TACR3: variants seen among roughly 807,000 people sequenced by gnomAD.
The protein encoded by TACR3 is tachykinin receptor 3.
Under a neutral mutation model 35.0 loss-of-function variants are expected in TACR3, and 34 were observed. The observed-to-expected ratio is 0.97, with a 90% CI of 0.74 to 1.30. The LOEUF is 1.30. TACR3 is among the 50% of genes most tolerant of loss of function. The pLI is 0.00. For missense variants in TACR3, 558 were observed against 591.7 expected, an observed-to-expected ratio of 0.94 and a Z score of 0.59; for synonymous variants, 233 against 221.1, an observed-to-expected ratio of 1.05 and a Z score of -0.48.
intron 1 of TACR3, among the ~76,000 whole-genome samples, chr4:103,684,012 T>A (rs1288370296): frequency 3.9e-5 from 6 of 152,090 alleles, no homozygotes; most frequent in Admixed American, 2.0e-4. Context: ...AGAAAAAAAA[T>A]TTGATGAAGT....
At chr4:103,636,531 T>G (rs55844612) in intron 3 of TACR3, among the ~76,000 whole-genome samples, 55,152 of 151,794 alleles carry the variant, frequency 0.36, 10,633 homozygotes, top group African/African-American at 0.5. Flanking sequence ...ATAATACAAT[T>G]CAGTGGTACT....
At chr4:103,716,652 C>T (rs181789475) in intron 1 of TACR3, among the ~76,000 whole-genome samples, 19 of 151,932 alleles carry the variant, frequency 1.3e-4, no homozygotes, top group African/African-American at 2.2e-4. Flanking sequence ...AGGCTGCAAC[C>T]ATTTTGCTAC....
chr4:103,696,121 A>C (rs1455120825), intron 1 of TACR3, among the ~76,000 whole-genome samples: 3 of 152,138 alleles, frequency 2.0e-5, no homozygotes, highest in African/African-American at 7.2e-5. Flanking sequence ...GAAGTCTGAG[A>C]AAAGAGTATC....
At chr4:103,697,101 G>A (rs1441606000) in intron 1 of TACR3, among the ~76,000 whole-genome samples, 1 of 152,056 alleles carries the variant, frequency 6.6e-6, no homozygotes, top group East Asian at 1.9e-4. Context: ...TTTTAAAAAT[G>A]GCATGTGAGT....
At chr4:103,601,705 A>C (rs1055492783) in intron 3 of TACR3, among the ~76,000 whole-genome samples, 1 of 152,144 alleles carries the variant, frequency 6.6e-6, no homozygotes, top group African/African-American at 2.4e-5. Flanking sequence ...AAAATGTTGA[A>C]TATTGGTCTC....
At chr4:103,626,903 G>A (rs950035436) in intron 3 of TACR3, among the ~76,000 whole-genome samples, 17 of 151,876 alleles carry the variant, frequency 1.1e-4, no homozygotes, top group Admixed American at 3.3e-4. Context: ...GGCCGAGCGC[G>A]GTAGCTCACA....
intron 1 of TACR3, among the ~76,000 whole-genome samples, chr4:103,699,981 T>C (rs758091764): frequency 2.6e-5 from 4 of 152,156 alleles, no homozygotes; most frequent in Non-Finnish European, 4.4e-5. Context: ...TTACGAGCCA[T>C]ATCTACTTTG....
At chr4:103,696,336 T>C (rs1722519827) in intron 1 of TACR3, among the ~76,000 whole-genome samples, 1 of 152,160 alleles carries the variant, frequency 6.6e-6, no homozygotes, top group African/African-American at 2.4e-5. Flanking sequence ...TTACTCTCAG[T>C]TATAAATACA....
At chr4:103,638,284 C>T (rs1422234049) in intron 3 of TACR3, among the ~76,000 whole-genome samples, 2 of 150,896 alleles carry the variant, frequency 1.3e-5, no homozygotes, top group South Asian at 2.1e-4. Flanking sequence ...GAAATAATGC[C>T]ACATATCTAC....
At chr4:103,695,323 C>T (rs1430928285) in intron 1 of TACR3, among the ~76,000 whole-genome samples, 1 of 152,050 alleles carries the variant, frequency 6.6e-6, no homozygotes, top group Non-Finnish European at 1.5e-5. Flanking sequence ...CCACCTCCTC[C>T]ACTTCACCCT....
At chr4:103,700,774 G>A (rs116650768) in intron 1 of TACR3, among the ~76,000 whole-genome samples, 37 of 152,102 alleles carry the variant, frequency 2.4e-4, no homozygotes, top group Middle Eastern at 3.4e-3. Flanking sequence ...ATAATCCAGC[G>A]TATAAACAGA....
At chr4:103,666,578 T>A (rs890120719) in intron 1 of TACR3, among the ~76,000 whole-genome samples, 1 of 152,188 alleles carries the variant, frequency 6.6e-6, no homozygotes, top group African/African-American at 2.4e-5. Flanking sequence ...TATATATAAC[T>A]CATTTAATAC....
chr4:103,642,844 A>G (rs1725384976), intron 3 of TACR3, among the ~76,000 whole-genome samples: 3 of 151,858 alleles, frequency 2.0e-5, no homozygotes, highest in Admixed American at 6.6e-5. Flanking sequence ...TAAAGGTATA[A>G]TAATTTTTGA....
At chr4:103,600,642 A>G (rs1308737561) in intron 3 of TACR3, among the ~76,000 whole-genome samples, 1 of 152,108 alleles carries the variant, frequency 6.6e-6, no homozygotes, top group Non-Finnish European at 1.5e-5. Flanking sequence ...TGTGTCCCAG[A>G]GATTCTGGTA....
chr4:103,689,582 A>C (rs1463486996), intron 1 of TACR3, among the ~76,000 whole-genome samples: 1 of 152,144 alleles, frequency 6.6e-6, no homozygotes. Flanking sequence ...TTAAGTTAGC[A>C]GAAGAAAGCA....
intron 3 of TACR3, among the ~76,000 whole-genome samples, chr4:103,606,899 C>A (rs548779664): frequency 4.8e-4 from 73 of 152,206 alleles, no homozygotes; most frequent in South Asian, 2.7e-3. Context: ...TGTCTTGTGC[C>A]AGTTTTCAAA....
intron 3 of TACR3, among the ~76,000 whole-genome samples, chr4:103,595,922 C>T (rs1256141922): frequency 1.7e-4 from 23 of 132,842 alleles, no homozygotes; most frequent in Non-Finnish European, 3.2e-4. Flanking sequence ...CACAACAGTC[C>T]CCAGAGTGTG....
intron 3 of TACR3, among the ~76,000 whole-genome samples, chr4:103,600,740 G>T (rs896899304): frequency 9.2e-5 from 14 of 152,114 alleles, no homozygotes; most frequent in Admixed American, 2.6e-4. Flanking sequence ...TCAGGAGCCG[G>T]TTGTTCATTT....
chr4:103,607,121 C>G (rs1724392872), intron 3 of TACR3, among the ~76,000 whole-genome samples: 1 of 152,056 alleles, frequency 6.6e-6, no homozygotes, highest in South Asian at 2.1e-4. Context: ...TAAACAGAGC[C>G]AAGGACAAAA....
Sources: gnomAD v4.1 joint callset for allele counts (sites outside exome capture counted in the v4.1 genomes callset) on GRCh38, gnomAD v4.1.1 for gene constraint, MANE v1.5 for transcripts, NCBI Gene and HGNC (gene_info 2026-07-23, HGNC 2026-07-21) for gene names.